TBC1D8: variants seen among roughly 807,000 people sequenced by gnomAD.
TBC1D8 encodes the protein TBC1 domain family member 8.
TBC1D8 carries 65 observed loss-of-function variants against 118.8 expected under a neutral mutation model. That is an observed-to-expected ratio of 0.55 (90% CI 0.45 to 0.67). The LOEUF is 0.67. Among genes scored for constraint, TBC1D8 ranks in the 30% least tolerant of loss-of-function variants. The pLI is 0.00. For missense variants in TBC1D8, 1,376 were observed against 1,471.2 expected, an observed-to-expected ratio of 0.94 and a Z score of 1.06; for synonymous variants, 566 against 595.8, an observed-to-expected ratio of 0.95 and a Z score of 0.73.
At chr2:101,094,167 T>C (rs1574021396) in intron 1 of TBC1D8, among the ~76,000 whole-genome samples, 2 of 152,168 alleles carry the variant, frequency 1.3e-5, no homozygotes, top group Admixed American at 6.5e-5. Flanking sequence ...TGAGCTTTTC[T>C]AGCAAATACT....
Position 101,028,292 on chromosome 2 carries a change from G to A in TBC1D8, c.2352+11C>T. ...GGCTGCAACGGGGCATGGGGCGGGG[G>A]TTCCCGTTACCTCATAGGAATCCCG... On this transcript the variant is annotated intron_variant, in intron 13 of 19. Coordinates refer to ENST00000409318, the MANE Select transcript of TBC1D8 (RefSeq NM_001330348.2). The A allele has an allele frequency of 1.9e-6, 3 of 1,608,470 alleles. No individual in the cohort carries two copies. The highest frequency in any genetic ancestry group is 2.5e-6 in the Non-Finnish European group (3 of 1,177,458).
At chr2:101,138,677 A>G (rs912696168) in intron 1 of TBC1D8, among the ~76,000 whole-genome samples, 1 of 152,220 alleles carries the variant, frequency 6.6e-6, no homozygotes. Flanking sequence ...ATGAAGAGAT[A>G]CACAGGGCGG....
intron 2 of TBC1D8, among the ~76,000 whole-genome samples, chr2:101,060,445 A>G (rs931174477): frequency 1.3e-5 from 2 of 152,240 alleles, no homozygotes; most frequent in African/African-American, 4.8e-5. Context: ...TTAAAAACAT[A>G]CATAAAAAGA....
intron 2 of TBC1D8, among the ~76,000 whole-genome samples, chr2:101,080,419 G>A (rs557854206): frequency 1.3e-5 from 2 of 152,224 alleles, no homozygotes; most frequent in South Asian, 4.1e-4. Flanking sequence ...TCACAGAGAT[G>A]CTAATCTGAT....
chr2:101,063,915 T>C (rs998905779), intron 2 of TBC1D8, among the ~76,000 whole-genome samples: 7 of 151,954 alleles, frequency 4.6e-5, no homozygotes, highest in Admixed American at 1.3e-4. Context: ...ATTATAGACA[T>C]ACCAGCAGTG....
intron 2 of TBC1D8, among the ~76,000 whole-genome samples, chr2:101,087,794 T>A (rs1270010434): frequency 1.3e-5 from 2 of 152,174 alleles, no homozygotes; most frequent in Admixed American, 6.5e-5. Flanking sequence ...AAAACTTTTT[T>A]AAATGAGAGA....
At chr2:101,021,272 A>G (rs2105375664) in intron 17 of TBC1D8, among the ~76,000 whole-genome samples, 1 of 152,294 alleles carries the variant, frequency 6.6e-6, no homozygotes, top group African/African-American at 2.4e-5. Flanking sequence ...CTAGTGCTGA[A>G]ATTTGGAGAA....
chr2:101,075,177 AC>A (rs1323058556), intron 2 of TBC1D8, among the ~76,000 whole-genome samples: 2 of 152,150 alleles, frequency 1.3e-5, no homozygotes, highest in Non-Finnish European at 2.9e-5. Context: ...CGGGCAGATC[AC>A]CTGAGGTCAG....
In TBC1D8 at chr2:101,008,118, C is replaced by G. The variant is rs759825483; in HGVS notation, c.3171G>C (p.Gln1057His). 1 of 1,613,902 alleles carries G rather than the reference C, an allele frequency of 6.2e-7. No individual in the cohort carries two copies. Among genetic ancestry groups the G allele is most frequent in the Non-Finnish European group, 8.5e-7 (1 of 1,179,826 alleles). ...QRGSSSGSCS[Q>H]ECGEELRASA... is the part of the protein sequence containing the mutation. ...AAGCCCGCAGCTCCTCCCCACACTC[C>G]TGGGAGCAGCTTCCAGAGCTGCTGC... is the stretch of plus-strand genomic sequence containing the variant. Residue 1057 changes from glutamine (Q) to histidine (H), a missense_variant, in exon 20 of 20, where the codon CAG (glutamine) becomes CAC (histidine). Physicochemically the swap from Gln to His is conservative, Grantham distance 24 (BLOSUM62 0). Coordinates refer to ENST00000409318, the MANE Select transcript of TBC1D8 (RefSeq NM_001330348.2).
intron 1 of TBC1D8, among the ~76,000 whole-genome samples, chr2:101,102,029 G>T (rs1278055883): frequency 7.3e-6 from 1 of 136,414 alleles, no homozygotes. Flanking sequence ...TTTTTTAGAA[G>T]AGAAAGAGGA....
rs529306221 is a variant in TBC1D8, at chr2:101,069,081, T to C, written c.284-9542A>G. Among the ~76,000 whole-genome samples, 17 of 147,572 alleles carry C rather than the reference T, an allele frequency of 1.2e-4. No homozygotes were observed. In the South Asian group the frequency reaches 3.7e-3, roughly 32 times the overall value. ...TTTGGAGGCCGAGGCGGGTGGATCA[T>C]GAGAGCAGGAGTTCGGAACCAGCCT... is the stretch of plus-strand genomic sequence containing the variant. On this transcript the variant is annotated intron_variant, in intron 2 of 19. Transcript: ENST00000409318.
In TBC1D8 at chr2:101,028,011, A is replaced by G. The variant is rs746966416; in HGVS notation, c.2451+37T>C. The G allele has an allele frequency of 3.5e-5, 56 of 1,602,192 alleles. No individual in the cohort carries two copies. In the East Asian group the frequency reaches 8.5e-4, roughly 24 times the overall value. On this transcript the variant is annotated intron_variant, in intron 14 of 19. Transcript: ENST00000409318. Reference sequence around the variant, plus strand: ...TGCGCACTCCCAGGTTGGCTCCCCAATACCGTGATCACCGGGGTGAGGCGT... The same window carrying G: ...TGCGCACTCCCAGGTTGGCTCCCCAGTACCGTGATCACCGGGGTGAGGCGT...
intron 1 of TBC1D8, among the ~76,000 whole-genome samples, chr2:101,091,485 A>G (rs532736840): frequency 5.1e-4 from 78 of 152,134 alleles, no homozygotes; most frequent in South Asian, 3.5e-3. Flanking sequence ...CAGCACTTTG[A>G]GAGTCCAAGG....
At chr2:101,092,928 A>C (rs1676135442) in intron 1 of TBC1D8, among the ~76,000 whole-genome samples, 1 of 152,086 alleles carries the variant, frequency 6.6e-6, no homozygotes, top group Non-Finnish European at 1.5e-5. Context: ...CCCTTGAACA[A>C]CACGGGTTTG....
At chr2:101,093,959 G>A (rs964714713) in intron 1 of TBC1D8, among the ~76,000 whole-genome samples, 3 of 152,076 alleles carry the variant, frequency 2.0e-5, no homozygotes, top group Non-Finnish European at 4.4e-5. Flanking sequence ...GCCTCCCAAA[G>A]TGCTGGGATT....
At chr2:101,059,869 G>A (rs1249649543) in intron 2 of TBC1D8, among the ~76,000 whole-genome samples, 2 of 152,202 alleles carry the variant, frequency 1.3e-5, no homozygotes, top group African/African-American at 4.8e-5. Flanking sequence ...AACCCAGGAG[G>A]CGGAGCTTGC....
chr2:101,026,117 T>A (rs1316529540), intron 15 of TBC1D8, among the ~76,000 whole-genome samples: 1 of 152,224 alleles, frequency 6.6e-6, no homozygotes, highest in African/African-American at 2.4e-5. Context: ...ATTGTGAATT[T>A]AAAGCCATCC....
In TBC1D8 at chr2:101,032,364, C is replaced by T. The variant is rs372930531; in HGVS notation, c.1840G>A (p.Val614Met). ...YCQSMNILTS[V>M]LLLYTKEEEA... ...TCCTCCTTGGTGTACAGCAGCAGCACGGAGGTCAGGATGTTCATGGACTGC... is the reference window on the plus strand; with the variant it reads ...TCCTCCTTGGTGTACAGCAGCAGCATGGAGGTCAGGATGTTCATGGACTGC... Residue 614 changes from valine to methionine, a missense_variant, in exon 11 of 20, where the codon GTG (valine) becomes ATG (methionine). Physicochemically the swap from Val to Met is conservative, Grantham distance 21. Coordinates refer to ENST00000409318, the MANE Select transcript of TBC1D8 (RefSeq NM_001330348.2). The T allele has an allele frequency of 9.9e-6, 16 of 1,613,656 alleles. No individual in the cohort carries two copies. The highest frequency in any genetic ancestry group is 6.7e-5 in the African/African-American group (5 of 74,910).
At chr2:101,118,431 T>A (rs997527761) in intron 1 of TBC1D8, among the ~76,000 whole-genome samples, 6 of 152,178 alleles carry the variant, frequency 3.9e-5, no homozygotes, top group South Asian at 2.1e-4. Flanking sequence ...GCACAGTGGC[T>A]CATGCCTGTA....
Sources: gnomAD v4.1 joint callset for allele counts (sites outside exome capture counted in the v4.1 genomes callset) on GRCh38, gnomAD v4.1.1 for gene constraint, MANE v1.5 for transcripts, NCBI Gene and HGNC (gene_info 2026-07-23, HGNC 2026-07-21) for gene names.